The following SLC35F4 variants were observed in gnomAD, a reference collection of about 807,000 sequenced individuals.
The protein encoded by SLC35F4 is solute carrier family 35 member F4.
SLC35F4 carries 24 observed loss-of-function variants against 44.2 expected under a neutral mutation model. That is an observed-to-expected ratio of 0.54 (90% CI 0.39 to 0.76). The LOEUF (loss-of-function observed/expected upper bound fraction) is 0.76. Among genes scored for constraint, SLC35F4 ranks in the 30% least tolerant of loss-of-function variants. SLC35F4 has a pLI of 0.00. For synonymous variants in SLC35F4, 238 were observed against 223.6 expected, an observed-to-expected ratio of 1.06 and a Z score of -0.57; for missense variants, 562 against 586.1, an observed-to-expected ratio of 0.96 and a Z score of 0.42.
intron 5 of SLC35F4, among the ~76,000 whole-genome samples, 175 bp from the exon 6 acceptor site, chr14:57,570,155 T>C (rs775382339): frequency 2.0e-5 from 3 of 152,212 alleles, no homozygotes; most frequent in Admixed American, 6.5e-5. Flanking sequence ...AAATACTCCA[T>C]AGCCTTCATA....
intron 1 of SLC35F4, among the ~76,000 whole-genome samples, chr14:57,785,666 G>A (rs549782137): frequency 1.9e-4 from 29 of 152,254 alleles, no homozygotes; most frequent in Admixed American, 1.8e-3. Context: ...AGAACCTGAA[G>A]GTCTGTTTGC....
At chr14:57,803,473 A>G (rs913352914) in intron 1 of SLC35F4, among the ~76,000 whole-genome samples, 6 of 152,186 alleles carry the variant, frequency 3.9e-5, no homozygotes, top group African/African-American at 1.4e-4. Flanking sequence ...TGCAAGAGAA[A>G]TAAGTAAAGG....
intron 3 of SLC35F4, among the ~76,000 whole-genome samples, chr14:57,582,484 G>A (rs2069356755): frequency 1.3e-5 from 2 of 152,152 alleles, no homozygotes; most frequent in African/African-American, 4.8e-5. Flanking sequence ...TTACAGGCAA[G>A]AGCCACTGCA....
intron 1 of SLC35F4, among the ~76,000 whole-genome samples, chr14:57,738,194 T>A (rs1005506513): frequency 6.6e-6 from 1 of 152,154 alleles, no homozygotes; most frequent in East Asian, 1.9e-4. Context: ...TCTGTACCCA[T>A]CTGTTGATTG....
chr14:57,570,026 A>G (rs1283813954), intron 5 of SLC35F4, 46 bp from the exon 6 acceptor site: 1 of 1,517,788 alleles, frequency 6.6e-7, no homozygotes, highest in African/African-American at 1.4e-5. Flanking sequence ...ACTTAGCCAG[A>G]GCAGAAACGT....
intron 4 of SLC35F4, among the ~76,000 whole-genome samples, chr14:57,572,959 A>AAAT (rs1401747631): frequency 4.8e-5 from 7 of 144,364 alleles, no homozygotes; most frequent in Non-Finnish European, 1.1e-4. Context: ...ATCCAGATGA[A>AAAT]AATTGGTGAG....
In SLC35F4 at chr14:57,818,821, A is replaced by G. The variant is rs574351973; in HGVS notation, c.103+46902T>C. 2.6e-5 allele frequency among the ~76,000 whole-genome samples: 4 copies of G among 152,304 alleles called. No homozygotes were observed. In the South Asian group the frequency reaches 8.3e-4, roughly 32 times the overall value. ...CCTCAGGACGAAGTACAACATGTGG[A>G]CTGTAGCTTGTTTCAATAACCCTGC... On this transcript the variant is annotated intron_variant, in intron 1 of 7. Transcript: ENST00000556826.
intron 1 of SLC35F4, among the ~76,000 whole-genome samples, chr14:57,719,893 A>C (rs1024994767): frequency 1.3e-5 from 2 of 152,088 alleles, no homozygotes; most frequent in Admixed American, 6.5e-5. Flanking sequence ...CTCCAGATCT[A>C]AGAGGAAAGG....
intron 1 of SLC35F4, among the ~76,000 whole-genome samples, chr14:57,942,043 T>C (rs1889924926): frequency 6.6e-6 from 1 of 152,212 alleles, no homozygotes; most frequent in Non-Finnish European, 1.5e-5. Flanking sequence ...TAGTAAGGTG[T>C]CTGTGCCATT....
At chr14:57,581,153 C>T (rs2069224175) in intron 4 of SLC35F4, 61 bp downstream of exon 4, 1 of 1,439,336 alleles carries the variant, frequency 6.9e-7, no homozygotes, top group Non-Finnish European at 9.2e-7. Flanking sequence ...GACAGGCTCT[C>T]CTGAAGCCAA....
At chr14:57,645,405 T>C (rs1407033964) in intron 1 of SLC35F4, among the ~76,000 whole-genome samples, 1 of 152,190 alleles carries the variant, frequency 6.6e-6, no homozygotes, top group Non-Finnish European at 1.5e-5. Flanking sequence ...AGTTCACTCA[T>C]GATTTGGCTC....
intron 1 of SLC35F4, among the ~76,000 whole-genome samples, chr14:57,646,044 T>G (rs1430669756): frequency 6.6e-6 from 1 of 152,226 alleles, no homozygotes; most frequent in East Asian, 1.9e-4. Context: ...ATTGAGGATT[T>G]TTGTACCAAT....
intron 1 of SLC35F4, among the ~76,000 whole-genome samples, chr14:57,756,781 A>T (rs961334750): frequency 1.3e-5 from 2 of 151,668 alleles, no homozygotes; most frequent in Non-Finnish European, 2.9e-5. Context: ...TGGCCTCCCA[A>T]GTAGTTGGGA....
intron 1 of SLC35F4, among the ~76,000 whole-genome samples, chr14:57,940,471 CT>C (rs1416744904): frequency 1.3e-5 from 2 of 152,094 alleles, no homozygotes; most frequent in Non-Finnish European, 2.9e-5. Context: ...TCTCAAAGCA[CT>C]TTTGCCTCTC....
chr14:57,665,783 G>A (rs1328823572), intron 1 of SLC35F4, among the ~76,000 whole-genome samples: 3 of 152,158 alleles, frequency 2.0e-5, no homozygotes, highest in African/African-American at 7.2e-5. Context: ...ATACATCATG[G>A]AATACTGTGC....
chr14:57,583,010 G>C (rs2069405182), intron 3 of SLC35F4, among the ~76,000 whole-genome samples: 1 of 152,242 alleles, frequency 6.6e-6, no homozygotes, highest in Admixed American at 6.5e-5. Flanking sequence ...TGCACACACA[G>C]AAACTTGTAT....
At chr14:57,676,331 C>A (rs113620060) in intron 1 of SLC35F4, among the ~76,000 whole-genome samples, 5 of 151,934 alleles carry the variant, frequency 3.3e-5, no homozygotes, top group Non-Finnish European at 7.4e-5. Context: ...AACACAGGAA[C>A]GGAAAACCAA....
At chr14:57,757,892 C>A (rs1427534683) in intron 1 of SLC35F4, among the ~76,000 whole-genome samples, 1 of 151,912 alleles carries the variant, frequency 6.6e-6, no homozygotes, top group Non-Finnish European at 1.5e-5. Flanking sequence ...CTGTTAGAGT[C>A]CCCTGTGGTT....
Position 57,571,971 on chromosome 14 carries a change from C to T in SLC35F4, c.856G>A (p.Ala286Thr). The change falls in exon 5 of 8, where the codon GCA becomes ACA. Residue 286 changes from alanine to threonine, a missense_variant. Coordinates refer to ENST00000556826, the MANE Select transcript of SLC35F4 (RefSeq NM_001306087.2). ...AITGIVMMAY[A>T]DNFHADSIIG... The stretch of plus-strand genomic sequence containing the variant: ...ATGGAATCAGCGTGGAAATTATCTG[C>T]ATATGCCATCATGACAATGCCGGTA... 6.2e-7 allele frequency: 1 copy of T among 1,611,942 alleles called. No homozygotes were observed. The highest frequency in any genetic ancestry group is 8.5e-7 in the Non-Finnish European group (1 of 1,178,960).
Sources: gnomAD v4.1 joint callset for allele counts (sites outside exome capture counted in the v4.1 genomes callset) on GRCh38, gnomAD v4.1.1 for gene constraint, MANE v1.5 for transcripts, NCBI Gene and HGNC (gene_info 2026-07-23, HGNC 2026-07-21) for gene names.